Variants in OPRM1 observed in about 807,000 individuals in gnomAD.
OPRM1 encodes the protein mu-type opioid receptor.
In OPRM1, 27 loss-of-function variants were observed where a neutral mutation model predicts 31.8. That is an observed-to-expected ratio of 0.85 (90% CI 0.63 to 1.17). OPRM1 has a LOEUF of 1.17. Ranked by LOEUF, OPRM1 falls within the 50% of genes most tolerant of loss-of-function variation. The probability of loss-of-function intolerance (pLI) is 0.00; values close to 1 mark genes in which losing one functional copy is unlikely to be tolerated. For missense variants in OPRM1, 536 were observed against 511.1 expected, an observed-to-expected ratio of 1.05 and a Z score of -0.47; for synonymous variants, 196 against 189.9, an observed-to-expected ratio of 1.03 and a Z score of -0.26.
At chr6:154,088,108 G>A (rs1791092690) in intron 1 of OPRM1, among the ~76,000 whole-genome samples, 1 of 151,510 alleles carries the variant, frequency 6.6e-6, no homozygotes, top group Admixed American at 6.6e-5. Flanking sequence ...ACAGATGAAT[G>A]CATAAGTAAT....
At position 154,213,959 on chromosome 6, in the gene OPRM1, T is replaced by C. The variant is rs569195137; in HGVS notation, c.1165-32734T>C. ...ATTAAACATTTGCATCGGTGACTGT[T>C]TGAGATGTCATGAAGCCCACAGCTG... On this transcript the variant is annotated intron_variant, in intron 3 of 3. Transcript: ENST00000337049. 1.7e-4 allele frequency among the ~76,000 whole-genome samples: 26 copies of C among 152,330 alleles called. No homozygotes were observed. The South Asian group carries it at 5.2e-3, about 30-fold the overall frequency.
chr6:154,083,582 C>A (rs1789673011), intron 1 of OPRM1: 2 of 152,298 alleles, frequency 1.3e-5, no homozygotes, highest in South Asian at 2.1e-4. Flanking sequence ...AAGAAGAAAG[C>A]AGAGAAGATT....
intron 3 of OPRM1, among the ~76,000 whole-genome samples, chr6:154,092,440 T>A (rs555222874): frequency 2.9e-4 from 44 of 152,330 alleles, no homozygotes; most frequent in Non-Finnish European, 6.0e-4. Flanking sequence ...TTTTTAACAG[T>A]GAATTCAAAT....
intron 3 of OPRM1, chr6:154,154,755 A>G (rs1798644598): frequency 6.6e-6 from 1 of 152,520 alleles, no homozygotes; most frequent in Non-Finnish European, 1.5e-5. Flanking sequence ...TTACAAGTCA[A>G]CCTCAAAAAC....
exon 1 of OPRM1, chr6:154,010,735 G>T (rs1777680950): frequency 3.5e-6 from 5 of 1,424,642 alleles, no homozygotes; most frequent in Middle Eastern, 1.8e-4. Context: ...GACTTTGCCT[G>T]CATGAATTGC....
chr6:154,068,703 TC>T (rs1583339711), intron 1 of OPRM1, among the ~76,000 whole-genome samples: 2 of 152,318 alleles, frequency 1.3e-5, no homozygotes, highest in East Asian at 3.9e-4. Context: ...TTTATTTTGT[TC>T]CCTTTGGATA....
At chr6:154,032,411 A>G (rs893727910) in intron 1 of OPRM1, among the ~76,000 whole-genome samples, 2 of 152,196 alleles carry the variant, frequency 1.3e-5, no homozygotes, top group Admixed American at 6.5e-5. Flanking sequence ...TTTTAGCAAT[A>G]AATGGGGCAT....
rs1797601094 is a variant in OPRM1 at position 154,126,632 on chromosome 6, C to G, written c.*7911C>G. ...CTGCTGTGACACCGAAACAACCAAG[C>G]CTAGAATCAGCTGGTGCCTCTTTTC... On this transcript the variant is annotated 3_prime_UTR_variant, in exon 4 of 4. Transcript: ENST00000330432. Among the ~76,000 whole-genome samples the G allele has an allele frequency of 2.0e-5, 3 of 152,114 alleles. No individual in the cohort carries two copies. In the South Asian group the frequency reaches 6.2e-4, roughly 32 times the overall value.
intron 3 of OPRM1, among the ~76,000 whole-genome samples, chr6:154,184,680 T>A (rs1406728833): frequency 6.6e-6 from 1 of 152,110 alleles, no homozygotes; most frequent in Non-Finnish European, 1.5e-5. Context: ...TACAATATAT[T>A]TTTTTCGAAT....
chr6:154,094,203 T>A (rs747772390), intron 3 of OPRM1: 44 of 1,284,494 alleles, frequency 3.4e-5, no homozygotes, highest in Admixed American at 4.6e-5. Context: ...AACTTCATAT[T>A]CTGCAGATCA....
chr6:154,104,244 A>G (rs1562476963), intron 3 of OPRM1, among the ~76,000 whole-genome samples: 1 of 152,236 alleles, frequency 6.6e-6, no homozygotes, highest in African/African-American at 2.4e-5. Context: ...ACAACAGATG[A>G]TATCTGGAAG....
At chr6:154,209,938 C>T (rs896937129) in intron 3 of OPRM1, among the ~76,000 whole-genome samples, 1 of 152,146 alleles carries the variant, frequency 6.6e-6, no homozygotes, top group Non-Finnish European at 1.5e-5. Context: ...TAAAAAATAA[C>T]ATTTGATTGA....
At chr6:154,115,379 A>G (rs577798127) in intron 3 of OPRM1, among the ~76,000 whole-genome samples, 67 of 152,264 alleles carry the variant, frequency 4.4e-4, no homozygotes, top group African/African-American at 1.5e-3. Context: ...GTCTCTACCA[A>G]AAATACAAAA....
Position 154,168,756 on chromosome 6 carries a change from C to T in OPRM1, c.1164+77284C>T, listed in dbSNP as rs910871550. Among the ~76,000 whole-genome samples the T allele has an allele frequency of 2.5e-4, 38 of 151,994 alleles. No homozygotes were observed. Among genetic ancestry groups the T allele is most frequent in the African/African-American group, 9.2e-4 (38 of 41,392 alleles). ...AAGTAGCTGGGATTACAGGCACCTG[C>T]CACCATGCCCGGCTCATTTTTATAT... is the stretch of plus-strand genomic sequence containing the variant. On this transcript the variant is annotated intron_variant, in intron 3 of 3. Transcript: ENST00000337049. The surrounding 1 kb of genome is among the most constrained non-coding windows in gnomAD (Gnocchi z 4.1).
At chr6:154,152,729 T>G (rs1798572851) in intron 3 of OPRM1, among the ~76,000 whole-genome samples, 3 of 152,138 alleles carry the variant, frequency 2.0e-5, no homozygotes, top group Admixed American at 2.0e-4. Flanking sequence ...TTATTTTTGT[T>G]TCTATTTATT....
chr6:154,054,991 A>C (rs1782953900), intron 1 of OPRM1, among the ~76,000 whole-genome samples: 1 of 152,244 alleles, frequency 6.6e-6, no homozygotes, highest in Non-Finnish European at 1.5e-5. Context: ...TCATTAGTTA[A>C]ACCTTAATAA....
intron 3 of OPRM1, among the ~76,000 whole-genome samples, chr6:154,143,630 G>T (rs1444074274): frequency 1.3e-5 from 2 of 152,158 alleles, no homozygotes; most frequent in East Asian, 1.9e-4. Context: ...TAAAAATTTA[G>T]TTGCCTTTGT....
chr6:154,189,606 A>G (rs1034603266), intron 3 of OPRM1, among the ~76,000 whole-genome samples: 5 of 152,258 alleles, frequency 3.3e-5, no homozygotes, highest in African/African-American at 1.2e-4. Context: ...ATAAATGCTT[A>G]AAGTGATGGA....
chr6:154,148,677 C>T (rs748088794), intron 3 of OPRM1, among the ~76,000 whole-genome samples: 1 of 152,216 alleles, frequency 6.6e-6, no homozygotes, highest in Non-Finnish European at 1.5e-5. Context: ...CTCCCCCAGA[C>T]CTCCTTGTCC....
Sources: allele counts gnomAD v4.1 joint callset (sites outside exome capture counted in the v4.1 genomes callset), GRCh38; gene constraint gnomAD v4.1.1; non-coding constraint Gnocchi (gnomAD v3.1); transcripts MANE v1.5; gene names NCBI Gene and HGNC (gene_info 2026-07-23, HGNC 2026-07-21).